STPG2: variants seen among roughly 807,000 people sequenced by gnomAD.
The protein encoded by STPG2 is sperm tail PG-rich repeat containing 2.
Under a neutral mutation model 54.2 loss-of-function variants are expected in STPG2, and 56 were observed. The ratio of observed to expected loss-of-function variants is 1.03; its 90% CI spans 0.83 to 1.29. The LOEUF (loss-of-function observed/expected upper bound fraction) is 1.29, where lower values mean the gene tolerates loss of function less well. Ranked by LOEUF, STPG2 falls within the 50% of genes most tolerant of loss-of-function variation. The pLI, the probability that STPG2 is intolerant of heterozygous loss-of-function variation, is 0.00. For synonymous variants in STPG2, 200 were observed against 181.8 expected, an observed-to-expected ratio of 1.10 and a Z score of -0.81; for missense variants, 596 against 544.9, an observed-to-expected ratio of 1.09 and a Z score of -0.93.
intron 9 of STPG2, among the ~76,000 whole-genome samples, chr4:97,800,257 T>C (rs1188802994): frequency 6.6e-6 from 1 of 152,234 alleles, no homozygotes; most frequent in Non-Finnish European, 1.5e-5. Context: ...GGAGAGGTGC[T>C]CTGATTTTTA....
intron 3 of STPG2, among the ~76,000 whole-genome samples, chr4:98,111,449 C>T (rs1453334200): frequency 6.6e-6 from 1 of 152,100 alleles, no homozygotes; most frequent in African/African-American, 2.4e-5. Flanking sequence ...TAGTGACTTT[C>T]TAGTTAGAGA....
At chr4:97,798,441 C>A (rs899534334) in intron 9 of STPG2, among the ~76,000 whole-genome samples, 1 of 152,130 alleles carries the variant, frequency 6.6e-6, no homozygotes, top group Non-Finnish European at 1.5e-5. Flanking sequence ...TCGTTATGAA[C>A]CCCATAGTCA....
At chr4:98,128,058 G>A (rs1465992634) in intron 3 of STPG2, among the ~76,000 whole-genome samples, 1 of 152,040 alleles carries the variant, frequency 6.6e-6, no homozygotes, top group Non-Finnish European at 1.5e-5. Context: ...ATGGCCATGT[G>A]ACTGGCTATA....
chr4:97,969,870 T>C (rs776240291), intron 7 of STPG2, among the ~76,000 whole-genome samples: 7 of 152,180 alleles, frequency 4.6e-5, no homozygotes, highest in Non-Finnish European at 8.8e-5. Context: ...GGAAGTCAAA[T>C]TGCCCCTGTT....
At chr4:97,646,248 G>C (rs571585724) in intron 10 of STPG2, among the ~76,000 whole-genome samples, 1 of 152,126 alleles carries the variant, frequency 6.6e-6, no homozygotes, top group East Asian at 1.9e-4. Flanking sequence ...ACAGTGCAAG[G>C]CTATATGCAG....
chr4:97,482,531 T>G (rs887474095), intron 4 of STPG2, among the ~76,000 whole-genome samples: 1 of 151,506 alleles, frequency 6.6e-6, no homozygotes, highest in Non-Finnish European at 1.5e-5. Context: ...TAAGAAAATA[T>G]GTACAAAGCC....
chr4:97,983,542 T>TG (rs887658594), intron 5 of STPG2, among the ~76,000 whole-genome samples: 1 of 152,168 alleles, frequency 6.6e-6, no homozygotes, highest in Non-Finnish European at 1.5e-5. Context: ...ACTGAGCAGG[T>TG]GGGGGGCCCT....
chr4:98,110,022 C>T (rs1400680817), intron 3 of STPG2, among the ~76,000 whole-genome samples: 1 of 152,086 alleles, frequency 6.6e-6, no homozygotes, highest in Non-Finnish European at 1.5e-5. Flanking sequence ...ATCCTCTTGA[C>T]CTAAAACATT....
intron 8 of STPG2, among the ~76,000 whole-genome samples, chr4:97,880,066 C>T (rs1730315169): frequency 6.6e-6 from 1 of 152,022 alleles, no homozygotes; most frequent in South Asian, 2.1e-4. Flanking sequence ...CATCAGTGAA[C>T]AAATGGATAA....
At chr4:97,752,121 A>G (rs1725598693) in intron 9 of STPG2, among the ~76,000 whole-genome samples, 1 of 151,764 alleles carries the variant, frequency 6.6e-6, no homozygotes, top group South Asian at 2.1e-4. Flanking sequence ...GCATTTACTT[A>G]CATCCCTTTT....
intron 4 of STPG2, among the ~76,000 whole-genome samples, chr4:97,542,811 T>C (rs920549565): frequency 2.6e-5 from 4 of 152,128 alleles, no homozygotes; most frequent in Non-Finnish European, 4.4e-5. Context: ...TGAGTTCATG[T>C]CCTTTGTAGG....
At chr4:97,656,294 T>G (rs987715409) in intron 10 of STPG2, among the ~76,000 whole-genome samples, 2 of 152,134 alleles carry the variant, frequency 1.3e-5, no homozygotes, top group African/African-American at 4.8e-5. Context: ...CACATTTCTT[T>G]CCCTGTGTCT....
intron 7 of STPG2, 62 bp from the exon 8 acceptor site, chr4:97,944,069 T>G: frequency 9.5e-7 from 1 of 1,053,734 alleles, no homozygotes; most frequent in South Asian, 1.4e-5. Flanking sequence ...AGAGGCACTA[T>G]AAATAATAAG....
At chr4:97,980,323 GT>G (rs1734632006) in intron 6 of STPG2, among the ~76,000 whole-genome samples, 1 of 152,198 alleles carries the variant, frequency 6.6e-6, no homozygotes, top group Non-Finnish European at 1.5e-5. Flanking sequence ...TGATCATACA[GT>G]AGATTAAAGT....
chr4:97,516,984 T>C (rs1731088535), intron 4 of STPG2, among the ~76,000 whole-genome samples: 1 of 151,942 alleles, frequency 6.6e-6, no homozygotes, highest in Non-Finnish European at 1.5e-5. Context: ...CTCTGCTCAC[T>C]GCAACCTCCA....
At chr4:97,854,178 T>C (rs1294393286) in intron 8 of STPG2, among the ~76,000 whole-genome samples, 4 of 152,168 alleles carry the variant, frequency 2.6e-5, no homozygotes, top group Admixed American at 1.3e-4. Context: ...ATTTATAGTC[T>C]TTCCTATGCA....
chr4:97,933,996 G>T (rs570692716), intron 8 of STPG2, among the ~76,000 whole-genome samples: 20 of 152,298 alleles, frequency 1.3e-4, no homozygotes, highest in African/African-American at 4.8e-4. Flanking sequence ...CCAACCATGA[G>T]GATGGAATGT....
chr4:97,929,247 G>A (rs1436078089), intron 8 of STPG2, among the ~76,000 whole-genome samples: 3 of 152,160 alleles, frequency 2.0e-5, no homozygotes, highest in Non-Finnish European at 4.4e-5. Context: ...TGGTGTATAT[G>A]TACTACATTT....
At chr4:97,445,468 T>C (rs1049103139) in intron 4 of STPG2, among the ~76,000 whole-genome samples, 1 of 152,208 alleles carries the variant, frequency 6.6e-6, no homozygotes, top group Non-Finnish European at 1.5e-5. Context: ...ACAAAAATAA[T>C]CTTAATAGTA....
Sources: gnomAD v4.1 joint callset for allele counts (sites outside exome capture counted in the v4.1 genomes callset) on GRCh38, gnomAD v4.1.1 for gene constraint, MANE v1.5 for transcripts, NCBI Gene and HGNC (gene_info 2026-07-23, HGNC 2026-07-21) for gene names.